TENM3: variants seen among roughly 807,000 people sequenced by gnomAD.
TENM3 encodes the protein teneurin-3.
A neutral mutation model predicts 255.1 loss-of-function variants in TENM3; 63 were observed. The ratio of observed to expected loss-of-function variants is 0.25; its 90% CI spans 0.20 to 0.30. The LOEUF (loss-of-function observed/expected upper bound fraction) is 0.30, where lower values mean the gene tolerates loss of function less well. Among genes scored for constraint, TENM3 ranks in the 10% least tolerant of loss-of-function variants. The pLI, the probability that TENM3 is intolerant of heterozygous loss-of-function variation, is 1.00. For missense variants in TENM3, 2,929 were observed against 3,461.1 expected, an observed-to-expected ratio of 0.85 and a Z score of 3.86; for synonymous variants, 1,306 against 1,322.3, an observed-to-expected ratio of 0.99 and a Z score of 0.27.
At chr4:181,470,108 T>TAAAAAAAAAAAAA in the TENM3 span, among the ~76,000 whole-genome samples, 61 of 112,714 alleles carry the variant, frequency 5.4e-4, no homozygotes, top group African/African-American at 1.8e-3. Flanking sequence ...ATAGCTTCTG[T>TAAAAAAAAAAAAA]AAAAAAAAAA....
intron 1 of TENM3, among the ~76,000 whole-genome samples, chr4:182,289,641 A>G (rs144524552): frequency 2.6e-5 from 4 of 152,380 alleles, no homozygotes; most frequent in African/African-American, 9.6e-5. Flanking sequence ...TTATAAGCCA[A>G]TGAGATCAAT....
intron 6 of TENM3, among the ~76,000 whole-genome samples, chr4:182,667,772 ACCGGGG>A (rs1754828543): frequency 1.2e-5 from 1 of 81,914 alleles, no homozygotes; most frequent in African/African-American, 4.2e-5. Context: ...AACATCACAC[ACCGGGG>A]TCACACACCG....
intron 1 of TENM3, among the ~76,000 whole-genome samples, chr4:182,206,837 T>A (rs1754614742): frequency 6.6e-6 from 1 of 152,222 alleles, no homozygotes; most frequent in Non-Finnish European, 1.5e-5. Flanking sequence ...GAATTTGGCA[T>A]ATCAGCCTAA....
chr4:182,740,373 T>C (rs972512444), intron 18 of TENM3, among the ~76,000 whole-genome samples: 2 of 152,232 alleles, frequency 1.3e-5, no homozygotes, highest in African/African-American at 4.8e-5. Flanking sequence ...TTTCATTCTG[T>C]TATATTAGTA....
At chr4:182,047,474 A>G in the TENM3 span, among the ~76,000 whole-genome samples, 1 of 147,244 alleles carries the variant, frequency 6.8e-6, no homozygotes, top group African/African-American at 2.5e-5. Flanking sequence ...AGGCAGGGAA[A>G]TCACTTGAAC....
intron 3 of TENM3, among the ~76,000 whole-genome samples, chr4:182,497,193 C>T (rs1264501811): frequency 6.6e-6 from 1 of 151,924 alleles, no homozygotes; most frequent in Non-Finnish European, 1.5e-5. Context: ...AGCTGGGACT[C>T]AGGCACGCGC....
At chr4:182,084,579 T>C in the TENM3 span, among the ~76,000 whole-genome samples, 1 of 152,212 alleles carries the variant, frequency 6.6e-6, no homozygotes, top group Non-Finnish European at 1.5e-5. Context: ...TATATTTCTC[T>C]TTATTGAACC....
At chr4:181,777,462 A>AT in the TENM3 span, among the ~76,000 whole-genome samples, 3 of 151,846 alleles carry the variant, frequency 2.0e-5, 1 homozygote, top group African/African-American at 7.3e-5. Flanking sequence ...TTTGTATTTG[A>AT]TGGAGATTGC....
chr4:182,411,361 T>G (rs1769972192), intron 3 of TENM3, among the ~76,000 whole-genome samples: 1 of 152,240 alleles, frequency 6.6e-6, no homozygotes, highest in Non-Finnish European at 1.5e-5. Flanking sequence ...TCCAGCTGAT[T>G]GTTGCATTAA....
At chr4:182,370,626 G>T (rs1231370550) in intron 3 of TENM3, among the ~76,000 whole-genome samples, 1 of 152,088 alleles carries the variant, frequency 6.6e-6, no homozygotes, top group Non-Finnish European at 1.5e-5. Flanking sequence ...CTTAACCATG[G>T]TCCTGATTTC....
the TENM3 span, among the ~76,000 whole-genome samples, chr4:181,942,598 C>G: frequency 6.6e-6 from 1 of 152,106 alleles, no homozygotes; most frequent in Non-Finnish European, 1.5e-5. Context: ...CTGCTCTCTG[C>G]ACATAATTCA....
chr4:181,802,364 A>C, the TENM3 span, among the ~76,000 whole-genome samples: 3 of 152,196 alleles, frequency 2.0e-5, no homozygotes, highest in Non-Finnish European at 4.4e-5. Flanking sequence ...TTTTCACTCA[A>C]TGGAATCCGC....
Position 182,793,934 on chromosome 4 carries a change from A to C in TENM3, c.7213+49A>C. 1 of 1,469,546 alleles carries C rather than the reference A, an allele frequency of 6.8e-7. No homozygotes were observed. Among genetic ancestry groups the C allele is most frequent in the South Asian group, 1.4e-5 (1 of 72,598 alleles). 91.0% of individuals were successfully genotyped at this position (1,469,546 alleles called of 1,614,324 possible). On this transcript the variant is annotated intron_variant, in intron 26 of 27. Transcript: ENST00000511685. This position sits in a 1 kb window ranked among gnomAD's most constrained non-coding sequence, Gnocchi z 5.7. ...AGAGCTGGAGGACTACCATCATTAG[A>C]TTAATACACAAAATAACTGGAAATG...
At chr4:181,625,211 C>T in the TENM3 span, among the ~76,000 whole-genome samples, 2 of 152,134 alleles carry the variant, frequency 1.3e-5, no homozygotes, top group Non-Finnish European at 2.9e-5. Flanking sequence ...GTCTACCACG[C>T]CTGCAGAGGA....
At chr4:181,914,507 C>T in the TENM3 span, among the ~76,000 whole-genome samples, 1 of 152,254 alleles carries the variant, frequency 6.6e-6, no homozygotes, top group African/African-American at 2.4e-5. Flanking sequence ...TGGTACAAAA[C>T]ATATGACAGT....
At position 182,799,874 on chromosome 4, in the gene TENM3, C is replaced by G. The variant is rs749356563; in HGVS notation, c.7623C>G (p.Ile2541Met). The G allele has an allele frequency of 6.2e-7, 1 of 1,610,794 alleles. No homozygotes were observed. Among genetic ancestry groups the G allele is most frequent in the African/African-American group, 1.3e-5 (1 of 75,012 alleles). ...ACCTGGAGAACCTGCACTTCACCATCGAGGGCAAGGACACGCACTACTTCA... is the reference window on the plus strand; with the variant it reads ...ACCTGGAGAACCTGCACTTCACCATGGAGGGCAAGGACACGCACTACTTCA... ...AFYLENLHFTIEGKDTHYFIK... is the reference protein window; with the variant it reads ...AFYLENLHFTMEGKDTHYFIK... Residue 2541 changes from isoleucine to methionine, a missense_variant, in exon 28 of 28, where the codon ATC becomes ATG. This residue lies in a region of TENM3 where 476 missense variants were observed against 480.1 expected (regional missense o/e 0.99). Transcript: ENST00000511685. This position sits in a 1 kb window ranked among gnomAD's most constrained non-coding sequence, Gnocchi z 4.2.
chr4:182,085,964 C>T, the TENM3 span, among the ~76,000 whole-genome samples: 1 of 152,074 alleles, frequency 6.6e-6, no homozygotes, highest in Admixed American at 6.5e-5. Context: ...TTCCTTTTAA[C>T]TTTGAGGAAT....
intron 12 of TENM3, among the ~76,000 whole-genome samples, chr4:182,704,808 T>G (rs993755425): frequency 6.7e-6 from 1 of 148,854 alleles, no homozygotes; most frequent in Admixed American, 6.8e-5. Context: ...TGTGCACACA[T>G]GCATACACAC....
At chr4:182,374,599 T>C (rs943458902) in intron 3 of TENM3, among the ~76,000 whole-genome samples, 1 of 152,334 alleles carries the variant, frequency 6.6e-6, no homozygotes, top group Admixed American at 6.5e-5. Flanking sequence ...TCATTAGCCT[T>C]GTCTTTCTTC....
Sources: allele counts gnomAD v4.1 joint callset (sites outside exome capture counted in the v4.1 genomes callset), GRCh38; gene constraint gnomAD v4.1.1; regional missense constraint gnomAD v4.1.1; non-coding constraint Gnocchi (gnomAD v3.1); transcripts MANE v1.5; gene names NCBI Gene and HGNC (gene_info 2026-07-23, HGNC 2026-07-21).